ITFG1: variants seen among roughly 807,000 people sequenced by gnomAD.
ITFG1 encodes the protein T-cell immunomodulatory protein.
In ITFG1, 34 loss-of-function variants were observed where a neutral mutation model predicts 81.8. That is an observed-to-expected ratio of 0.42 (90% CI 0.32 to 0.55). The LOEUF (loss-of-function observed/expected upper bound fraction) is 0.55, where lower values mean the gene tolerates loss of function less well. Among genes scored for constraint, ITFG1 ranks in the 20% least tolerant of loss-of-function variants. The pLI, the probability that ITFG1 is intolerant of heterozygous loss-of-function variation, is 0.17. For missense variants in ITFG1, 672 were observed against 755.4 expected, an observed-to-expected ratio of 0.89 and a Z score of 1.29; for synonymous variants, 285 against 270.6, an observed-to-expected ratio of 1.05 and a Z score of -0.52.
chr16:47,326,843 G>T lies in ITFG1; in HGVS notation c.803-13020C>A, dbSNP rs564617746. ...TAAAAGAGGATACAAACAAATGGAA[G>T]AACATTCCATGCTCATGGGTAGGAA... is the stretch of plus-strand genomic sequence containing the variant. On this transcript the variant is annotated intron_variant, in intron 8 of 17. Coordinates refer to ENST00000320640, the MANE Select transcript of ITFG1 (RefSeq NM_030790.5). Among the ~76,000 whole-genome samples the T allele has an allele frequency of 6.6e-5, 10 of 152,206 alleles. No homozygotes were observed. In the East Asian group the frequency reaches 1.7e-3, roughly 26 times the overall value.
intron 8 of ITFG1, among the ~76,000 whole-genome samples, chr16:47,355,595 C>T (rs976245320): frequency 7.9e-5 from 12 of 152,102 alleles, no homozygotes; most frequent in Admixed American, 3.3e-4. Flanking sequence ...CTGATTTGAA[C>T]GTTACACAAT....
intron 6 of ITFG1, among the ~76,000 whole-genome samples, chr16:47,386,892 T>G (rs998885953): frequency 6.6e-6 from 1 of 152,102 alleles, no homozygotes; most frequent in Admixed American, 6.5e-5. Flanking sequence ...TGGAAAGCAA[T>G]AGAGAGAAGG....
At chr16:47,204,537 T>C (rs1379130807) in intron 14 of ITFG1, among the ~76,000 whole-genome samples, 1 of 152,252 alleles carries the variant, frequency 6.6e-6, no homozygotes, top group Non-Finnish European at 1.5e-5. Context: ...TTTGTTTTTA[T>C]TTCTATTATA....
At chr16:47,239,075 G>C (rs918006921) in intron 12 of ITFG1, among the ~76,000 whole-genome samples, 3 of 152,156 alleles carry the variant, frequency 2.0e-5, no homozygotes, top group Non-Finnish European at 4.4e-5. Context: ...GTGGCAACAA[G>C]GTGCCATTTT....
At chr16:47,383,721 A>G (rs1338089705) in intron 6 of ITFG1, among the ~76,000 whole-genome samples, 2 of 152,332 alleles carry the variant, frequency 1.3e-5, no homozygotes, top group African/African-American at 4.8e-5. Flanking sequence ...GCTGACCAAC[A>G]TGGTGAAATC....
At chr16:47,218,218 A>C (rs1019995196) in intron 14 of ITFG1, 2 of 152,184 alleles carry the variant, frequency 1.3e-5, no homozygotes, top group African/African-American at 4.8e-5. Flanking sequence ...AACTCTAGGC[A>C]TCTTAAAAGA....
At chr16:47,432,224 T>C (rs1969104892) in intron 5 of ITFG1, among the ~76,000 whole-genome samples, 1 of 152,216 alleles carries the variant, frequency 6.6e-6, no homozygotes, top group South Asian at 2.1e-4. Flanking sequence ...GTTTTCATAG[T>C]AATATGTTCC....
intron 8 of ITFG1, among the ~76,000 whole-genome samples, chr16:47,357,650 C>T (rs1479631820): frequency 6.7e-6 from 1 of 150,102 alleles, no homozygotes; most frequent in Non-Finnish European, 1.5e-5. Context: ...ATGCAATGCA[C>T]AGTATAGTCT....
intron 6 of ITFG1, among the ~76,000 whole-genome samples, chr16:47,413,848 C>G (rs747012444): frequency 5.3e-5 from 8 of 152,062 alleles, no homozygotes; most frequent in Non-Finnish European, 5.9e-5. Context: ...TGTACTTATT[C>G]TCGCTCTTAT....
At chr16:47,250,723 T>C (rs925467702) in intron 12 of ITFG1, among the ~76,000 whole-genome samples, 1 of 152,230 alleles carries the variant, frequency 6.6e-6, no homozygotes, top group Non-Finnish European at 1.5e-5. Flanking sequence ...ATGACAGATA[T>C]CTTGAGAAAT....
At chr16:47,182,057 G>T (rs1348555886) in intron 14 of ITFG1, among the ~76,000 whole-genome samples, 1 of 151,884 alleles carries the variant, frequency 6.6e-6, no homozygotes, top group Non-Finnish European at 1.5e-5. Context: ...AAGGCCACAG[G>T]GTCCTCTGCC....
At position 47,386,449 on chromosome 16, in the gene ITFG1, A is replaced by G. The variant is rs1400391876; in HGVS notation, c.656-10509T>C. 2.6e-5 allele frequency among the ~76,000 whole-genome samples: 4 copies of G among 152,034 alleles called. No homozygotes were observed. The East Asian group carries it at 7.7e-4, about 29-fold the overall frequency. ...CTTGCGGGGCAGGCCACCATTTCTCATCTCCTCCTGCTATATGCTGTAGAG... is the reference window on the plus strand; with the variant it reads ...CTTGCGGGGCAGGCCACCATTTCTCGTCTCCTCCTGCTATATGCTGTAGAG... On this transcript the variant is annotated intron_variant, in intron 6 of 17. Coordinates refer to ENST00000320640, the MANE Select transcript of ITFG1 (RefSeq NM_030790.5).
At chr16:47,214,912 C>T (rs1212584712) in intron 14 of ITFG1, among the ~76,000 whole-genome samples, 1 of 145,410 alleles carries the variant, frequency 6.9e-6, no homozygotes, top group African/African-American at 2.6e-5. Context: ...TGTTATTACC[C>T]AGTGTGAAAA....
chr16:47,300,528 G>A (rs1028732170), intron 10 of ITFG1, among the ~76,000 whole-genome samples: 1 of 152,280 alleles, frequency 6.6e-6, no homozygotes, highest in East Asian at 1.9e-4. Flanking sequence ...ACCTTTCCTA[G>A]AGTGACAGTT....
intron 6 of ITFG1, among the ~76,000 whole-genome samples, chr16:47,393,838 T>C (rs1434703030): frequency 6.6e-6 from 1 of 152,184 alleles, no homozygotes; most frequent in Non-Finnish European, 1.5e-5. Context: ...GGCTATTACA[T>C]GTTTTGGAGA....
intron 8 of ITFG1, among the ~76,000 whole-genome samples, chr16:47,348,901 A>G (rs1967903628): frequency 6.6e-6 from 1 of 152,244 alleles, no homozygotes; most frequent in African/African-American, 2.4e-5. Context: ...GTGGGGGCCA[A>G]TATTCAACAT....
At chr16:47,424,749 G>T (rs1968997317) in intron 6 of ITFG1, among the ~76,000 whole-genome samples, 1 of 152,172 alleles carries the variant, frequency 6.6e-6, no homozygotes, top group African/African-American at 2.4e-5. Flanking sequence ...GTTTGCCTGG[G>T]TATCAACAGC....
intron 8 of ITFG1, among the ~76,000 whole-genome samples, chr16:47,357,041 TAAA>T (rs898658593): frequency 7.3e-6 from 1 of 137,460 alleles, no homozygotes. Context: ...ACTGTTGCAA[TAAA>T]AAAAAAAAAG....
intron 8 of ITFG1, among the ~76,000 whole-genome samples, chr16:47,330,999 T>C (rs1347917129): frequency 1.3e-5 from 2 of 152,108 alleles, no homozygotes; most frequent in East Asian, 3.8e-4. Context: ...AATAAATTGT[T>C]CTACCAAAAA....
Sources: allele counts gnomAD v4.1 joint callset (sites outside exome capture counted in the v4.1 genomes callset), GRCh38; gene constraint gnomAD v4.1.1; transcripts MANE v1.5; gene names NCBI Gene and HGNC (gene_info 2026-07-23, HGNC 2026-07-21).